PPP2R2B: variants seen among roughly 807,000 people sequenced by gnomAD.
The protein encoded by PPP2R2B is protein phosphatase 2 regulatory subunit Bbeta.
Under a neutral mutation model 46.0 loss-of-function variants are expected in PPP2R2B, and 5 were observed. That is an observed-to-expected ratio of 0.11 (90% CI 0.06 to 0.23). The LOEUF is 0.23. PPP2R2B is among the 10% of genes least tolerant of loss of function. PPP2R2B has a pLI of 1.00. For synonymous variants in PPP2R2B, 215 were observed against 206.7 expected (o/e 1.04, Z -0.34); for missense variants, 367 against 575.0 (o/e 0.64, Z 3.70).
intron 2 of PPP2R2B, among the ~76,000 whole-genome samples, chr5:146,827,473 A>G (rs905182013): frequency 6.6e-6 from 1 of 152,194 alleles, no homozygotes; most frequent in Non-Finnish European, 1.5e-5. Context: ...CTGAGGCATT[A>G]TGCTTCAGCA....
At chr5:146,770,113 G>C (rs1461888801) in intron 2 of PPP2R2B, among the ~76,000 whole-genome samples, 1 of 151,996 alleles carries the variant, frequency 6.6e-6, no homozygotes, top group Non-Finnish European at 1.5e-5. Flanking sequence ...CAGATCACTT[G>C]AGGTCAGCAG....
chr5:146,851,673 G>A (rs1175155369), intron 2 of PPP2R2B, among the ~76,000 whole-genome samples: 1 of 151,992 alleles, frequency 6.6e-6, no homozygotes, highest in Non-Finnish European at 1.5e-5. Context: ...ATAAGTGTAG[G>A]CAAAACACAA....
chr5:147,059,273 A>C (rs1757186349), upstream of PPP2R2B, among the ~76,000 whole-genome samples: 1 of 152,238 alleles, frequency 6.6e-6, no homozygotes, highest in East Asian at 1.9e-4. Context: ...ATAAAGCCCC[A>C]AAAAGTCAAT....
intron 2 of PPP2R2B, among the ~76,000 whole-genome samples, chr5:147,062,260 G>C (rs1373756054): frequency 2.6e-5 from 4 of 152,158 alleles, no homozygotes. Context: ...GTTTGTGTAA[G>C]TGCACTCTAG....
At chr5:146,627,649 G>A (rs1774151698) in intron 7 of PPP2R2B, among the ~76,000 whole-genome samples, 1 of 152,152 alleles carries the variant, frequency 6.6e-6, no homozygotes, top group Admixed American at 6.5e-5. Flanking sequence ...TCTTCTGGAA[G>A]CAGACCTACA....
intron 2 of PPP2R2B, among the ~76,000 whole-genome samples, chr5:146,796,710 C>T (rs767513347): frequency 3.3e-5 from 5 of 152,128 alleles, no homozygotes; most frequent in South Asian, 2.1e-4. Flanking sequence ...GGAAACTAAT[C>T]AAGCCAAATT....
chr5:146,903,474 C>T (rs745779299), intron 1 of PPP2R2B, among the ~76,000 whole-genome samples: 39 of 150,214 alleles, frequency 2.6e-4, no homozygotes, highest in Non-Finnish European at 5.6e-4. Flanking sequence ...TGGCTCAGTG[C>T]AGCCTCTACC....
Position 146,587,388 on chromosome 5 carries a change from G to GC in PPP2R2B, c.*2558dup, listed in dbSNP as rs534067968. 17 of 152,256 alleles carry GC rather than the reference G, an allele frequency of 1.1e-4. No individual in the cohort carries two copies. Among genetic ancestry groups the GC allele is most frequent in the Non-Finnish European group, 8.8e-5 (6 of 68,088 alleles). The allele number at this position is 152,256 out of a possible 1,614,324, so 9.4% of individuals were successfully genotyped here. A position where few individuals can be genotyped will look rare whatever the true frequency, so the allele number is the denominator to read the frequency against. ...GCAGGGGATGGAGGAGAGGATGGCT[G>GC]CCCTCTGCTCTTTCTTCTCTGGCAA... On this transcript the variant is annotated 3_prime_UTR_variant, in exon 10 of 10. Transcript: ENST00000394411.
chr5:146,594,381 A>T (rs2151005185), intron 8 of PPP2R2B, among the ~76,000 whole-genome samples: 1 of 152,340 alleles, frequency 6.6e-6, no homozygotes, highest in African/African-American at 2.4e-5. Context: ...TTCTCCAGCT[A>T]CATTCAGCAA....
chr5:146,680,400 TG>T (rs1442625427), intron 5 of PPP2R2B, among the ~76,000 whole-genome samples: 11 of 62,034 alleles, frequency 1.8e-4, no homozygotes, highest in Admixed American at 7.8e-4. Flanking sequence ...TGTTGTGGGG[TG>T]GGGTGGGGAG....
chr5:146,726,861 T>C (rs1424110470), intron 2 of PPP2R2B, among the ~76,000 whole-genome samples: 2 of 152,208 alleles, frequency 1.3e-5, no homozygotes, highest in Non-Finnish European at 2.9e-5. Flanking sequence ...TATACAGTTC[T>C]GGATTTCAAG....
Position 146,581,543 on chromosome 5 carries a change from T to C in PPP2R2B, c.*8404A>G, listed in dbSNP as rs1004314447. 6.6e-6 allele frequency: 1 copy of C among 152,202 alleles called. No homozygotes were observed. The highest frequency in any genetic ancestry group is 2.4e-5 in the African/African-American group (1 of 41,454). 9.4% of individuals were successfully genotyped at this position (152,202 alleles called of 1,614,324 possible). A position where few individuals can be genotyped will look rare whatever the true frequency, so the allele number is the denominator to read the frequency against. ...CAATATATAATTAACCTTTCTGCCT[T>C]TTCAAAAATAATATGAAAAATAAGA... On this transcript the variant is annotated 3_prime_UTR_variant, in exon 10 of 10. Coordinates refer to ENST00000394411, the MANE Select transcript of PPP2R2B (RefSeq NM_181675.4).
At chr5:147,056,835 G>A (rs1757102493), upstream of PPP2R2B, among the ~76,000 whole-genome samples, 1 of 152,178 alleles carries the variant, frequency 6.6e-6, no homozygotes, top group South Asian at 2.1e-4. Context: ...TGGAAGGCAA[G>A]AAAGCACAGG....
At chr5:146,966,541 C>A (rs1213465531) in intron 1 of PPP2R2B, among the ~76,000 whole-genome samples, 1 of 152,190 alleles carries the variant, frequency 6.6e-6, no homozygotes, top group African/African-American at 2.4e-5. Context: ...ACACTCTAAT[C>A]CATCATACCA....
chr5:146,921,969 G>GGTA (rs1376950977), intron 1 of PPP2R2B, among the ~76,000 whole-genome samples: 2 of 152,120 alleles, frequency 1.3e-5, no homozygotes. Context: ...AGCCACTTAA[G>GGTA]GTAGGTATAT....
At chr5:147,031,734 TAAACTC>T (rs920551996) in intron 1 of PPP2R2B, among the ~76,000 whole-genome samples, 10 of 152,238 alleles carry the variant, frequency 6.6e-5, no homozygotes, top group African/African-American at 2.2e-4. Context: ...GAACCAGAAA[TAAACTC>T]AAATACTTAC....
chr5:146,980,752 T>C (rs186034342), intron 1 of PPP2R2B, among the ~76,000 whole-genome samples: 4 of 152,346 alleles, frequency 2.6e-5, no homozygotes, highest in African/African-American at 7.2e-5. Context: ...GTTGTCAATT[T>C]TTGGAATGTT....
chr5:146,990,575 A>G (rs1202428557), intron 1 of PPP2R2B, among the ~76,000 whole-genome samples: 1 of 152,118 alleles, frequency 6.6e-6, no homozygotes, highest in Non-Finnish European at 1.5e-5. Context: ...AACTCTAAAT[A>G]AATTAAGACA....
At chr5:146,787,360 G>A (rs376171654) in intron 2 of PPP2R2B, among the ~76,000 whole-genome samples, 4 of 152,144 alleles carry the variant, frequency 2.6e-5, no homozygotes, top group East Asian at 1.9e-4. Flanking sequence ...GAAGATAGAC[G>A]CATAGATTTT....
Sources: allele counts gnomAD v4.1 joint callset (sites outside exome capture counted in the v4.1 genomes callset), GRCh38; gene constraint gnomAD v4.1.1; transcripts MANE v1.5; gene names NCBI Gene and HGNC (gene_info 2026-07-23, HGNC 2026-07-21).